The following HTD2 variants were observed in gnomAD, a reference collection of about 807,000 sequenced individuals.
HTD2 encodes the protein hydroxyacyl-thioester dehydratase type 2, mitochondrial.
In HTD2, 1 loss-of-function variant was observed where a neutral mutation model predicts 3.1. That is an observed-to-expected ratio of 0.32 (90% CI 0.11 to 1.52). The LOEUF (loss-of-function observed/expected upper bound fraction) is 1.52, where lower values mean the gene tolerates loss of function less well. Among genes scored for constraint, HTD2 ranks in the 40% most tolerant of loss-of-function variants. The probability of loss-of-function intolerance (pLI) is 0.39; values close to 1 mark genes in which losing one functional copy is unlikely to be tolerated. For missense variants in HTD2, 150 were observed against 79.6 expected (o/e 1.88, Z -3.36); for synonymous variants, 50 against 28.9 (o/e 1.73, Z -2.34).
chr3:58,316,463 A>T, intron 2 of HTD2, 52 bp from the exon 3 acceptor site: 1 of 1,500,302 alleles, frequency 6.7e-7, no homozygotes, highest in Non-Finnish European at 9.3e-7. Context: ...GTTGACAAGC[A>T]TTCAAGAATA....
At position 58,319,793 on chromosome 3, in the gene HTD2, C is replaced by A. The variant is rs1318075256; in HGVS notation, c.*1673C>A. ...CAACACAGCCAACACTTTTGTTTCC[C>A]ATTTTTTTTTGTTTCCCGTTTTTTA... On this transcript the variant is annotated 3_prime_UTR_variant, in exon 5 of 5. Coordinates refer to ENST00000461393, the MANE Select transcript of HTD2 (RefSeq NM_001348712.2). The A allele has an allele frequency of 6.6e-6, 1 of 152,020 alleles. No homozygotes were observed. Among genetic ancestry groups the A allele is most frequent in the African/African-American group, 2.4e-5 (1 of 41,392 alleles). The allele number at this position is 152,020 out of a possible 1,614,324, so 9.4% of individuals were successfully genotyped here. A position where few individuals can be genotyped will look rare whatever the true frequency, so the allele number is the denominator to read the frequency against.
intron 4 of HTD2, 135 bp from the exon 5 acceptor site, chr3:58,317,305 G>C: frequency 6.3e-6 from 4 of 635,578 alleles, no homozygotes; most frequent in Middle Eastern, 2.6e-4. Flanking sequence ...GTTATCGAAG[G>C]CTTCCTCTCA....
At position 58,318,101 on chromosome 3, in the gene HTD2, C is replaced by T. The variant is rs1283550703; in HGVS notation, c.488C>T (p.Pro163Leu). ...GAAGGCTGGGTTAAAGTTATGGTTC[C>T]AGAAGCTTCCAAATCCTGAAATAGA... is the stretch of plus-strand genomic sequence containing the variant. The part of the protein sequence containing the change: ...VMEGWVKVMV[P>L]EASKS The change falls in exon 5 of 5, where the codon CCA (proline) becomes CTA (leucine). Residue 163 changes from proline (P) to leucine (L), a missense_variant. Physicochemically the swap from Pro to Leu is moderately conservative, Grantham distance 98 (BLOSUM62 -3). Transcript: ENST00000461393. 6 of 651,692 alleles carry T rather than the reference C, an allele frequency of 9.2e-6. No individual in the cohort carries two copies. In the Admixed American group the frequency reaches 1.6e-4, roughly 17 times the overall value. The allele number at this position is 651,692 out of a possible 1,614,324, so 40.4% of individuals were successfully genotyped here.
Position 58,318,306 on chromosome 3 carries a change from T to TCATTATCTGCCTGGGTGTATGCAG in HTD2, c.*186_*187insCATTATCTGCCTGGGTGTATGCAG. The stretch of plus-strand genomic sequence containing the variant: ...TTTGGCCTTATGCTTCATGCAGACT[T>TCATTATCTGCCTGGGTGTATGCAG]GAGTGTATGCAGGATTTCATTATCT... On this transcript the variant is annotated 3_prime_UTR_variant, in exon 5 of 5. Coordinates refer to ENST00000461393, the MANE Select transcript of HTD2 (RefSeq NM_001348712.2). The TCATTATCTGCCTGGGTGTATGCAG allele has an allele frequency of 2.0e-6, 1 of 507,248 alleles. No individual in the cohort carries two copies. Among genetic ancestry groups the TCATTATCTGCCTGGGTGTATGCAG allele is most frequent in the South Asian group, 3.5e-5 (1 of 28,694 alleles). 31.4% of individuals were successfully genotyped at this position (507,248 alleles called of 1,614,324 possible). A position where few individuals can be genotyped will look rare whatever the true frequency, so the allele number is the denominator to read the frequency against.
chr3:58,307,896 G>A (rs2097477348), intron 1 of HTD2: 1 of 148,680 alleles, frequency 6.7e-6, no homozygotes, highest in Non-Finnish European at 1.5e-5. Flanking sequence ...CAAAAAATAC[G>A]TGACATAAAA....
intron 1 of HTD2, chr3:58,310,238 C>A: frequency 7.8e-7 from 1 of 1,282,210 alleles, no homozygotes; most frequent in Non-Finnish European, 1.1e-6. Context: ...CCCAAATAGG[C>A]CAAATTCTCA....
intron 2 of HTD2, among the ~76,000 whole-genome samples, chr3:58,313,272 C>T (rs1388084663): frequency 1.3e-5 from 2 of 152,026 alleles, no homozygotes; most frequent in African/African-American, 4.8e-5. Context: ...AAAAAGGCTC[C>T]TCATGAAAAA....
chr3:58,318,301 A>AG lies in HTD2; in HGVS notation c.*182dup. 1 of 517,672 alleles carries AG rather than the reference A, an allele frequency of 1.9e-6. No individual in the cohort carries two copies. The highest frequency in any genetic ancestry group is 3.3e-5 in the South Asian group (1 of 30,604). The allele number at this position is 517,672 out of a possible 1,614,324, so 32.1% of individuals were successfully genotyped here. On this transcript the variant is annotated 3_prime_UTR_variant, in exon 5 of 5. Coordinates refer to ENST00000461393, the MANE Select transcript of HTD2 (RefSeq NM_001348712.2). Reference sequence around the variant, plus strand: ...TCCAGTTTGGCCTTATGCTTCATGCAGACTTGAGTGTATGCAGGATTTCAT... The same window carrying AG: ...TCCAGTTTGGCCTTATGCTTCATGCAGGACTTGAGTGTATGCAGGATTTCAT...
chr3:58,316,785 G>A (rs1385076249), intron 3 of HTD2, 130 bp from the exon 4 acceptor site: 2 of 909,908 alleles, frequency 2.2e-6, no homozygotes, highest in African/African-American at 3.3e-5. Context: ...TTACGATTTG[G>A]TTACAGCTGT....
chr3:58,314,676 T>TTTTC (rs1491537854), intron 2 of HTD2, among the ~76,000 whole-genome samples: 3 of 16,904 alleles, frequency 1.8e-4, no homozygotes, highest in African/African-American at 1.1e-3. Context: ...TTTGGCAGTA[T>TTTTC]TTTTTTTTTT....
In HTD2 at chr3:58,317,431, C is replaced by A. The variant is rs1432695552; in HGVS notation, c.-174-9C>A. On this transcript the variant is annotated splice_polypyrimidine_tract_variant and intron_variant, in intron 4 of 4. Coordinates refer to ENST00000461393, the MANE Select transcript of HTD2 (RefSeq NM_001348712.2). The stretch of plus-strand genomic sequence containing the variant: ...TCCCAATGCCTTAACCTTTTTCTTT[C>A]TCTTCTAGGTTTCTCCATTTCTTCT... The A allele has an allele frequency of 1.3e-6, 2 of 1,582,544 alleles. No individual in the cohort carries two copies. The highest frequency in any genetic ancestry group is 1.7e-6 in the Non-Finnish European group (2 of 1,154,896).
intron 2 of HTD2, among the ~76,000 whole-genome samples, chr3:58,311,236 C>T (rs1308609892): frequency 6.6e-6 from 1 of 152,136 alleles, no homozygotes; most frequent in Non-Finnish European, 1.5e-5. Context: ...CTCACTGCAG[C>T]CTCTGCCTCC....
intron 2 of HTD2, among the ~76,000 whole-genome samples, chr3:58,314,154 C>T (rs1271234023): frequency 6.6e-6 from 1 of 151,958 alleles, no homozygotes; most frequent in Non-Finnish European, 1.5e-5. Context: ...AGTTTGAGAC[C>T]ATCCTGGCCA....
chr3:58,315,168 A>C (rs190966260), intron 2 of HTD2, among the ~76,000 whole-genome samples: 177 of 152,328 alleles, frequency 1.2e-3, no homozygotes, highest in African/African-American at 3.9e-3. Context: ...CAATGGGTGA[A>C]TAAACTGTGG....
intron 2 of HTD2, among the ~76,000 whole-genome samples, chr3:58,313,152 G>A (rs993817788): frequency 2.0e-5 from 3 of 151,698 alleles, no homozygotes; most frequent in South Asian, 2.1e-4. Context: ...CCAGCTACTC[G>A]GGAGGCTGAG....
At chr3:58,310,450 C>T (rs1575543584) in intron 1 of HTD2, 57 bp from the exon 2 acceptor site, 1 of 1,600,906 alleles carries the variant, frequency 6.2e-7, no homozygotes, top group African/African-American at 1.3e-5. Context: ...ACTTTTCTAA[C>T]ATGAATCTGA....
intron 1 of HTD2, among the ~76,000 whole-genome samples, chr3:58,307,256 T>TA (rs998650544): frequency 2.0e-5 from 3 of 152,184 alleles, no homozygotes; most frequent in Non-Finnish European, 2.9e-5. Context: ...ACTTTGGCCT[T>TA]ACTCTGGATA....
intron 3 of HTD2, 107 bp from the exon 4 acceptor site, chr3:58,316,808 G>A (rs1428487300): frequency 9.6e-7 from 1 of 1,041,104 alleles, no homozygotes; most frequent in East Asian, 2.4e-5. Flanking sequence ...TTTTCCCATT[G>A]ATGGTTATAG....
chr3:58,309,215 T>A (rs1017039850), intron 1 of HTD2, among the ~76,000 whole-genome samples: 9 of 152,204 alleles, frequency 5.9e-5, no homozygotes, highest in Admixed American at 5.9e-4. Context: ...AATCTTAGAT[T>A]TTACTCCTTT....
Sources: gnomAD v4.1 joint callset for allele counts (sites outside exome capture counted in the v4.1 genomes callset) on GRCh38, gnomAD v4.1.1 for gene constraint, MANE v1.5 for transcripts, NCBI Gene and HGNC (gene_info 2026-07-23, HGNC 2026-07-21) for gene names.